Variants in ARHGEF11 observed in about 807,000 individuals in gnomAD.
The protein encoded by ARHGEF11 is Rho guanine exchange factor (GEF) 11.
In ARHGEF11, 55 loss-of-function variants were observed where a neutral mutation model predicts 193.7. That is an observed-to-expected ratio of 0.28 (90% CI 0.23 to 0.36). The LOEUF (loss-of-function observed/expected upper bound fraction) is 0.36. ARHGEF11 is among the 10% of genes least tolerant of loss of function. ARHGEF11 has a pLI of 1.00. For missense variants in ARHGEF11, 1,723 were observed against 2,005.6 expected (o/e 0.86, Z 2.69); for synonymous variants, 693 against 768.0 (o/e 0.90, Z 1.62).
intron 29 of ARHGEF11, 133 bp downstream of exon 29, chr1:156,945,912 C>T: frequency 7.4e-6 from 5 of 673,280 alleles, no homozygotes; most frequent in South Asian, 1.9e-5. Flanking sequence ...CTGAAACACC[C>T]CACAACAGAA....
At chr1:157,041,004 T>C (rs557036499) in intron 1 of ARHGEF11, among the ~76,000 whole-genome samples, 6 of 152,318 alleles carry the variant, frequency 3.9e-5, no homozygotes, top group African/African-American at 1.4e-4. Context: ...CAAGGTCACA[T>C]AGTTAAGGGG....
chr1:156,939,147 A>C, intron 37 of ARHGEF11: 1 of 272,428 alleles, frequency 3.7e-6, no homozygotes, highest in Non-Finnish European at 7.0e-6. Context: ...GGCTGCATGC[A>C]CCTGCCCTGT....
At position 156,984,799 on chromosome 1, in the gene ARHGEF11, C is replaced by G. The variant is rs546941982; in HGVS notation, c.125-362G>C. ...GAAGACTAATATTACCAATAAGGAGCCTCCCAGGATTGAAGCCCAAGTGAG... is the reference window on the plus strand; with the variant it reads ...GAAGACTAATATTACCAATAAGGAGGCTCCCAGGATTGAAGCCCAAGTGAG... On this transcript the variant is annotated intron_variant, in intron 2 of 40. Transcript: ENST00000368194. Among the ~76,000 whole-genome samples, 48 of 152,008 alleles carry G rather than the reference C, an allele frequency of 3.2e-4. No homozygotes were observed. The South Asian group carries it at 9.6e-3, about 30-fold the overall frequency.
intron 1 of ARHGEF11, among the ~76,000 whole-genome samples, chr1:157,014,212 T>A (rs1668922903): frequency 6.6e-6 from 1 of 152,154 alleles, no homozygotes; most frequent in African/African-American, 2.4e-5. Flanking sequence ...TCTTACCACA[T>A]AAAAATAACT....
At position 156,940,399 on chromosome 1, in the gene ARHGEF11, C is replaced by T. The variant is rs1656567219; in HGVS notation, c.3541G>A (p.Gly1181Arg). Residue 1181 changes from glycine (G) to arginine (R), a missense_variant, in exon 36 of 41, where the codon GGG becomes AGG. Transcript: ENST00000368194. ...TCCTCTAGCAGGACCTGGTGCTTCCCTTGGACCCTCTGCTGGGACCCAGTG... is the reference window on the plus strand; with the variant it reads ...TCCTCTAGCAGGACCTGGTGCTTCCTTTGGACCCTCTGCTGGGACCCAGTG... ...GGTGSQQRVQGKHQVLLEDPE... is the reference protein window; with the variant it reads ...GGTGSQQRVQRKHQVLLEDPE... 1.1e-5 allele frequency: 17 copies of T among 1,608,550 alleles called. No homozygotes were observed. The East Asian group carries it at 3.8e-4, about 36-fold the overall frequency.
At chr1:156,960,907 A>G (rs1486709063) in intron 14 of ARHGEF11, among the ~76,000 whole-genome samples, 1 of 152,196 alleles carries the variant, frequency 6.6e-6, no homozygotes, top group Non-Finnish European at 1.5e-5. Context: ...TTTGCTACAC[A>G]AGTCCCTGAC....
intron 1 of ARHGEF11, among the ~76,000 whole-genome samples, chr1:157,020,625 T>C (rs887978914): frequency 3.3e-5 from 5 of 152,236 alleles, no homozygotes; most frequent in African/African-American, 1.2e-4. Context: ...CACATATTAA[T>C]GGAGAAGCAA....
chr1:156,941,116 A>G (rs6675748), intron 35 of ARHGEF11, among the ~76,000 whole-genome samples: 48,530 of 151,964 alleles, frequency 0.32, 10,328 homozygotes, highest in African/African-American at 0.61. Context: ...CTTCTTCCAC[A>G]GCTGATGCCG....
At chr1:156,977,937 TAG>T (rs1663497552) in intron 6 of ARHGEF11, among the ~76,000 whole-genome samples, 1 of 152,242 alleles carries the variant, frequency 6.6e-6, no homozygotes, top group South Asian at 2.1e-4. Flanking sequence ...ACAGCATCCT[TAG>T]AGTCTTCTAC....
chr1:156,982,599 T>C (rs1664340833), intron 3 of ARHGEF11, among the ~76,000 whole-genome samples: 1 of 152,134 alleles, frequency 6.6e-6, no homozygotes, highest in African/African-American at 2.4e-5. Context: ...AGAACTCATA[T>C]TCTCCCTGTA....
intron 5 of ARHGEF11, 70 bp from the exon 6 acceptor site, chr1:156,978,452 G>A (rs1053413741): frequency 8.0e-6 from 12 of 1,503,218 alleles, no homozygotes; most frequent in Non-Finnish European, 1.1e-5. Flanking sequence ...TATACAGGAG[G>A]GGGCTGTTCT....
intron 32 of ARHGEF11, 124 bp from the exon 33 acceptor site, chr1:156,942,904 C>A (rs73006696): frequency 4.1e-6 from 3 of 739,300 alleles, no homozygotes; most frequent in East Asian, 2.6e-5. Context: ...GAGTGCAGCA[C>A]GAGACAGATG....
rs534893600 is a variant in ARHGEF11 at position 157,013,299 on chromosome 1, A to ACACACACACACACACACC, written c.33-27127_33-27126insGGTGTGTGTGTGTGTGTG. ...CACACACACACACACACACACACACACCAAGAACCTTCTCCGGTGGGTGGG... is the reference window on the plus strand; with the variant it reads ...CACACACACACACACACACACACACACACACACACACACACACCCCAAGAACCTTCTCCGGTGGGTGGG... On this transcript the variant is annotated intron_variant, in intron 1 of 40. Coordinates refer to ENST00000368194, the MANE Select transcript of ARHGEF11 (RefSeq NM_198236.3). Among the ~76,000 whole-genome samples, 252 of 148,704 alleles carry ACACACACACACACACACC rather than the reference A, an allele frequency of 1.7e-3. 4 individuals carry two copies. The highest frequency in any genetic ancestry group is 8.1e-3 in the East Asian group (40 of 4,968).
Position 156,947,905 on chromosome 1 carries a change from G to C in ARHGEF11, c.2205C>G (p.His735Gln). 6.2e-7 allele frequency: 1 copy of C among 1,614,128 alleles called. No homozygotes were observed. The highest frequency in any genetic ancestry group is 8.5e-7 in the Non-Finnish European group (1 of 1,180,028). The part of the protein sequence containing the change: ...LGFCTDTLLP[H>Q]LLEDDLGQLS... The stretch of plus-strand genomic sequence containing the variant: ...GCTGGCCCAGATCATCCTCTAGGAG[G>C]TGGGGAAGGAGGGTATCTGTGCAGA... Residue 735 changes from histidine (H) to glutamine (Q), a missense_variant, in exon 25 of 41, where the codon CAC becomes CAG. By Grantham distance (24) the His-to-Gln change is conservative. Coordinates refer to ENST00000368194, the MANE Select transcript of ARHGEF11 (RefSeq NM_198236.3).
chr1:157,029,028 G>A (rs1442847964), intron 1 of ARHGEF11, among the ~76,000 whole-genome samples: 1 of 151,968 alleles, frequency 6.6e-6, no homozygotes, highest in Non-Finnish European at 1.5e-5. Context: ...CTAGCCAGGC[G>A]TGGTGGCATG....
rs201266346 is a variant in ARHGEF11 at position 156,942,033 on chromosome 1, T to C, written c.3327-44A>G. The C allele has an allele frequency of 4.7e-4, 759 of 1,613,312 alleles. 3 individuals carry two copies. Among genetic ancestry groups the C allele is most frequent in the Non-Finnish European group, 5.2e-4 (618 of 1,179,932 alleles). ...AGAGAGGACTGTAGTGAGAGCAAGA[T>C]AGCAGCACGCACCACCCCGTACTGA... On this transcript the variant is annotated intron_variant, in intron 33 of 40. Coordinates refer to ENST00000368194, the MANE Select transcript of ARHGEF11 (RefSeq NM_198236.3).
intron 1 of ARHGEF11, among the ~76,000 whole-genome samples, chr1:157,025,349 G>C (rs1272213404): frequency 1.3e-5 from 2 of 152,206 alleles, no homozygotes; most frequent in Admixed American, 6.5e-5. Context: ...GCATGTCGAA[G>C]ATAAATAAGC....
In ARHGEF11 at chr1:156,963,232, T is replaced by C. The variant is rs142012484; in HGVS notation, c.1111A>G (p.Ile371Val). The C allele has an allele frequency of 4.8e-5, 78 of 1,613,974 alleles. No individual in the cohort carries two copies. In the Middle Eastern group the frequency reaches 6.6e-4, roughly 14 times the overall value. The change falls in exon 13 of 41, where the codon ATC becomes GTC. Residue 371 changes from isoleucine (I) to valine (V), a missense_variant. By Grantham distance (29) the Ile-to-Val change is conservative. Coordinates refer to ENST00000368194, the MANE Select transcript of ARHGEF11 (RefSeq NM_198236.3). ...GGACTGGGGTCCGCCTGAGAGAAGA[T>C]GTAACGTAGAAAAACCCCCAGGTGA... ...PAHLGVFLRY[I>V]FSQADPSPLL...
intron 5 of ARHGEF11, 100 bp from the exon 6 acceptor site, chr1:156,978,482 C>T (rs754954781): frequency 2.1e-6 from 3 of 1,439,188 alleles, no homozygotes; most frequent in African/African-American, 1.4e-5. Context: ...TGTCATTAAA[C>T]TCATTATTCT....
Sources: gnomAD v4.1 joint callset for allele counts (sites outside exome capture counted in the v4.1 genomes callset) on GRCh38, gnomAD v4.1.1 for gene constraint, MANE v1.5 for transcripts, NCBI Gene and HGNC (gene_info 2026-07-23, HGNC 2026-07-21) for gene names.